KIRREL3: variants seen among roughly 807,000 people sequenced by gnomAD.
The protein encoded by KIRREL3 is kirre like nephrin family adhesion molecule 3.
KIRREL3 carries 36 observed loss-of-function variants against 89.7 expected under a neutral mutation model. The ratio of observed to expected loss-of-function variants is 0.40; its 90% CI spans 0.31 to 0.53. KIRREL3 has a LOEUF of 0.53. Ranked by LOEUF, KIRREL3 falls within the 20% of genes least tolerant of loss-of-function variation. The pLI, the probability that KIRREL3 is intolerant of heterozygous loss-of-function variation, is 0.49. For missense variants in KIRREL3, 864 were observed against 1,056.6 expected (o/e 0.82, Z 2.53); for synonymous variants, 445 against 441.4 (o/e 1.01, Z -0.10).
rs537177221 is a variant in KIRREL3 at position 126,628,586 on chromosome 11, T to C, written c.56-65674A>G. On this transcript the variant is annotated intron_variant, in intron 1 of 16. Coordinates refer to ENST00000525144, the MANE Select transcript of KIRREL3 (RefSeq NM_032531.4). The surrounding 1 kb of genome is among the most constrained non-coding windows in gnomAD (Gnocchi z 5.2). ...CAACTTGTTCTATTGCCAACCTTTCTATAAGCCTTCTTCTGAGATCCAGCC... is the reference window on the plus strand; with the variant it reads ...CAACTTGTTCTATTGCCAACCTTTCCATAAGCCTTCTTCTGAGATCCAGCC... 5.9e-5 allele frequency among the ~76,000 whole-genome samples: 9 copies of C among 152,358 alleles called. No homozygotes were observed. In the South Asian group the frequency reaches 6.2e-4, roughly 11 times the overall value.
chr11:126,544,625 G>A lies in KIRREL3; in HGVS notation c.134-17938C>T, dbSNP rs550672273. ...GGAACCCAGAGTCGGTGTCCTGGGGGCTCCATGCAGGACAGCAAATGGGCC... is the reference window on the plus strand; with the variant it reads ...GGAACCCAGAGTCGGTGTCCTGGGGACTCCATGCAGGACAGCAAATGGGCC... On this transcript the variant is annotated intron_variant, in intron 2 of 16. Transcript: ENST00000525144. This position sits in a 1 kb window ranked among gnomAD's most constrained non-coding sequence, Gnocchi z 5.6. 4.6e-5 allele frequency among the ~76,000 whole-genome samples: 7 copies of A among 152,266 alleles called. No individual in the cohort carries two copies. The highest frequency in any genetic ancestry group is 2.1e-4 in the South Asian group (1 of 4,818).
rs1026115167 is a variant in KIRREL3, at chr11:126,860,715, G to A, written c.55+139740C>T. 2.0e-5 allele frequency among the ~76,000 whole-genome samples: 3 copies of A among 152,204 alleles called. No individual in the cohort carries two copies. The highest frequency in any genetic ancestry group is 6.5e-5 in the Admixed American group (1 of 15,290). ...AGAGACTTCTTCCCAACCACAGGGTGGAGAATGGGTGGCAGGCCAGTGAGG... is the reference window on the plus strand; with the variant it reads ...AGAGACTTCTTCCCAACCACAGGGTAGAGAATGGGTGGCAGGCCAGTGAGG... On this transcript the variant is annotated intron_variant, in intron 1 of 16. Coordinates refer to ENST00000525144, the MANE Select transcript of KIRREL3 (RefSeq NM_032531.4). This position sits in a 1 kb window ranked among gnomAD's most constrained non-coding sequence, Gnocchi z 4.6.
At chr11:126,875,077 C>T (rs1945232802) in intron 1 of KIRREL3, among the ~76,000 whole-genome samples, 1 of 152,156 alleles carries the variant, frequency 6.6e-6, no homozygotes, top group Non-Finnish European at 1.5e-5. Flanking sequence ...TCCATTACCC[C>T]AATCCTGTGT....
chr11:126,578,521 G>A lies in KIRREL3; in HGVS notation c.56-15609C>T, dbSNP rs1426746756. 2.0e-5 allele frequency among the ~76,000 whole-genome samples: 3 copies of A among 152,190 alleles called. No individual in the cohort carries two copies. The highest frequency in any genetic ancestry group is 4.4e-5 in the Non-Finnish European group (3 of 68,040). ...GGTGGGGACGGGGTGAGAACTTGGG[G>A]TGTGGCGTGTCCCTGTGGGTGGACA... On this transcript the variant is annotated intron_variant, in intron 1 of 16. Coordinates refer to ENST00000525144, the MANE Select transcript of KIRREL3 (RefSeq NM_032531.4). This position sits in a 1 kb window ranked among gnomAD's most constrained non-coding sequence, Gnocchi z 4.9.
rs1267135104 is a variant in KIRREL3 at position 126,686,998 on chromosome 11, G to C, written c.56-124086C>G. Among the ~76,000 whole-genome samples, 1 of 152,234 alleles carries C rather than the reference G, an allele frequency of 6.6e-6. No individual in the cohort carries two copies. The highest frequency in any genetic ancestry group is 1.5e-5 in the Non-Finnish European group (1 of 68,048). On this transcript the variant is annotated intron_variant, in intron 1 of 16. Transcript: ENST00000525144. This position sits in a 1 kb window ranked among gnomAD's most constrained non-coding sequence, Gnocchi z 4.7. ...CAGAGATGACATCCCTGGAACTGCA[G>C]TAGAGGAGTATGGCTAGAAGGCAGG...
In KIRREL3 at chr11:126,783,566, T is replaced by C. The variant is rs1285688038; in HGVS notation, c.55+216889A>G. On this transcript the variant is annotated intron_variant, in intron 1 of 16. Transcript: ENST00000525144. This position sits in a 1 kb window ranked among gnomAD's most constrained non-coding sequence, Gnocchi z 4.3. ...CAGAAGCCAACTGAAAGAGCTCCCATTGACCAAAGATGGCATGCTTTAGCA... is the reference window on the plus strand; with the variant it reads ...CAGAAGCCAACTGAAAGAGCTCCCACTGACCAAAGATGGCATGCTTTAGCA... Among the ~76,000 whole-genome samples, 2 of 152,194 alleles carry C rather than the reference T, an allele frequency of 1.3e-5. No homozygotes were observed. Among genetic ancestry groups the C allele is most frequent in the Non-Finnish European group, 2.9e-5 (2 of 68,028 alleles).
intron 1 of KIRREL3, among the ~76,000 whole-genome samples, chr11:126,911,760 G>T (rs914831781): frequency 3.9e-5 from 6 of 152,110 alleles, no homozygotes; most frequent in African/African-American, 1.4e-4. Context: ...GAGGTGGGCG[G>T]ATGACGAGGT....
At chr11:126,733,535 ATTATG>A (rs1948703033) in intron 1 of KIRREL3, among the ~76,000 whole-genome samples, 3 of 24,054 alleles carry the variant, frequency 1.2e-4, no homozygotes, top group Non-Finnish European at 3.0e-4. Context: ...ATATTCAGCC[ATTATG>A]CCATTATACT....
chr11:126,506,546 G>A (rs1958020823), intron 4 of KIRREL3, among the ~76,000 whole-genome samples: 1 of 152,158 alleles, frequency 6.6e-6, no homozygotes, highest in African/African-American at 2.4e-5. Flanking sequence ...AACCATAATG[G>A]ATACCACTTG....
rs749353636 is a variant in KIRREL3 at position 126,814,317 on chromosome 11, A to AGTGTAAATTAGTTCAACCATT, written c.55+186117_55+186137dup. Reference sequence around the variant, plus strand: ...GGAATGCTTTTACACTGTTGGTGGGAGTGTAAATTAGTTCAACCATTGTGT... The same window carrying AGTGTAAATTAGTTCAACCATT: ...GGAATGCTTTTACACTGTTGGTGGGAGTGTAAATTAGTTCAACCATTGTGTAAATTAGTTCAACCATTGTGT... On this transcript the variant is annotated intron_variant, in intron 1 of 16. Coordinates refer to ENST00000525144, the MANE Select transcript of KIRREL3 (RefSeq NM_032531.4). The surrounding 1 kb of genome is among the most constrained non-coding windows in gnomAD (Gnocchi z 4.4). 6.6e-5 allele frequency among the ~76,000 whole-genome samples: 10 copies of AGTGTAAATTAGTTCAACCATT among 152,210 alleles called. No homozygotes were observed. The highest frequency in any genetic ancestry group is 1.5e-4 in the Non-Finnish European group (10 of 68,002).
intron 1 of KIRREL3, chr11:126,920,418 C>T (rs2134969173): frequency 1.3e-5 from 2 of 152,318 alleles, no homozygotes; most frequent in South Asian, 4.2e-4. Flanking sequence ...GTGAAGATCC[C>T]CACTGCACTG....
chr11:126,592,726 C>A (rs938503995), intron 1 of KIRREL3, among the ~76,000 whole-genome samples: 3 of 152,138 alleles, frequency 2.0e-5, no homozygotes, highest in Non-Finnish European at 4.4e-5. Context: ...TCAGGGGAGG[C>A]CTTGGGGAAG....
Position 126,436,734 on chromosome 11 carries a change from C to T in KIRREL3, c.1552+77G>A, listed in dbSNP as rs559248821. 5.9e-5 allele frequency: 89 copies of T among 1,515,864 alleles called. No homozygotes were observed. In the African/African-American group the frequency reaches 7.1e-4, roughly 12 times the overall value. The allele number at this position is 1,515,864 out of a possible 1,614,324, so 93.9% of individuals were successfully genotyped here. A position where few individuals can be genotyped will look rare whatever the true frequency, so the allele number is the denominator to read the frequency against. On this transcript the variant is annotated intron_variant, in intron 12 of 16. Coordinates refer to ENST00000525144, the MANE Select transcript of KIRREL3 (RefSeq NM_032531.4). Reference sequence around the variant, plus strand: ...GGCCCTGGCCCACCTTGCAGCCACCCGCGCCCTGACCTAGGTGAGGAGAGG... The same window carrying T: ...GGCCCTGGCCCACCTTGCAGCCACCTGCGCCCTGACCTAGGTGAGGAGAGG...
rs1331735194 is a variant in KIRREL3 at position 126,736,137 on chromosome 11, C to T, written c.56-173225G>A. Among the ~76,000 whole-genome samples, 3 of 152,172 alleles carry T rather than the reference C, an allele frequency of 2.0e-5. No homozygotes were observed. Among genetic ancestry groups the T allele is most frequent in the African/African-American group, 7.2e-5 (3 of 41,436 alleles). On this transcript the variant is annotated intron_variant, in intron 1 of 16. Transcript: ENST00000525144. The surrounding 1 kb of genome is among the most constrained non-coding windows in gnomAD (Gnocchi z 5.0). ...TACTGCTGCTGGCTACCTTGCATTT[C>T]TGTGGATTTGGTCACAAGAGGGATT...
chr11:126,987,139 C>T lies in KIRREL3; in HGVS notation c.55+13316G>A, dbSNP rs1350094637. On this transcript the variant is annotated intron_variant, in intron 1 of 16. Transcript: ENST00000525144. The surrounding 1 kb of genome is among the most constrained non-coding windows in gnomAD (Gnocchi z 4.6). ...GATAACCCAGGAACCATAGAAAGAC[C>T]CTAATACTTCCTTGATATGTGAGAT... is the stretch of plus-strand genomic sequence containing the variant. 1.3e-5 allele frequency among the ~76,000 whole-genome samples: 2 copies of T among 152,098 alleles called. No individual in the cohort carries two copies. The highest frequency in any genetic ancestry group is 3.8e-4 in the East Asian group (2 of 5,196).
intron 1 of KIRREL3, among the ~76,000 whole-genome samples, chr11:126,712,442 A>G (rs765538566): frequency 1.2e-4 from 19 of 152,188 alleles, no homozygotes; most frequent in Non-Finnish European, 2.4e-4. Flanking sequence ...CGCCTCTTCA[A>G]TCTGGGGCAC....
In KIRREL3 at chr11:126,502,527, T is replaced by C. The variant is rs144679511; in HGVS notation, c.433+18788A>G. On this transcript the variant is annotated intron_variant, in intron 4 of 16. Coordinates refer to ENST00000525144, the MANE Select transcript of KIRREL3 (RefSeq NM_032531.4). ...GGAGAACCATTTTCTGCTATAGATT[T>C]TTAAGACCAGCAGCTGGAGAATCAC... is the stretch of plus-strand genomic sequence containing the variant. Among the ~76,000 whole-genome samples the C allele has an allele frequency of 9.8e-5, 15 of 152,368 alleles. No homozygotes were observed. The East Asian group carries it at 2.9e-3, about 29-fold the overall frequency.
chr11:126,980,315 G>C (rs993470463), intron 1 of KIRREL3, among the ~76,000 whole-genome samples: 1 of 152,218 alleles, frequency 6.6e-6, no homozygotes, highest in African/African-American at 2.4e-5. Context: ...GATGGTGCCA[G>C]ACAGAATGAA....
chr11:126,603,251 G>A (rs1296224212), intron 1 of KIRREL3, among the ~76,000 whole-genome samples: 6 of 152,226 alleles, frequency 3.9e-5, no homozygotes, highest in Admixed American at 2.6e-4. Flanking sequence ...ATTGAATACC[G>A]ATGGGCAGGC....
Sources: gnomAD v4.1 joint callset for allele counts (sites outside exome capture counted in the v4.1 genomes callset) on GRCh38, gnomAD v4.1.1 for gene constraint, Gnocchi (gnomAD v3.1) non-coding constraint, MANE v1.5 for transcripts, NCBI Gene and HGNC (gene_info 2026-07-23, HGNC 2026-07-21) for gene names.